Variants in FARSB observed in about 807,000 individuals in gnomAD.
FARSB encodes phenylalanyl-tRNA synthetase subunit beta, also known as phenylalanine--tRNA ligase beta subunit.
FARSB carries 40 observed loss-of-function variants against 69.6 expected under a neutral mutation model. The ratio of observed to expected loss-of-function variants is 0.57; its 90% CI spans 0.45 to 0.75. The LOEUF (loss-of-function observed/expected upper bound fraction) is 0.75. FARSB is among the 30% of genes least tolerant of loss of function. FARSB has a pLI of 0.00. For missense variants in FARSB, 632 were observed against 722.9 expected (o/e 0.87, Z 1.44); for synonymous variants, 235 against 247.2 (o/e 0.95, Z 0.46).
chr2:222,612,591 T>C (rs997821931), intron 15 of FARSB, among the ~76,000 whole-genome samples: 1 of 152,208 alleles, frequency 6.6e-6, no homozygotes, highest in Non-Finnish European at 1.5e-5. Flanking sequence ...TGTCAACTGA[T>C]TCAAAAGAAC....
At chr2:222,612,949 T>A (rs1490944478) in intron 15 of FARSB, among the ~76,000 whole-genome samples, 1 of 152,244 alleles carries the variant, frequency 6.6e-6, no homozygotes, top group Non-Finnish European at 1.5e-5. Flanking sequence ...TAAAACACAT[T>A]CGCAGTCACT....
At chr2:222,578,656 G>A (rs911073324) in intron 16 of FARSB, among the ~76,000 whole-genome samples, 1 of 152,058 alleles carries the variant, frequency 6.6e-6, no homozygotes, top group Non-Finnish European at 1.5e-5. Flanking sequence ...GGCCAACATG[G>A]TGAAACCCCA....
intron 6 of FARSB, 112 bp downstream of exon 6, chr2:222,634,279 G>T: frequency 1.5e-6 from 1 of 686,256 alleles, no homozygotes; most frequent in Non-Finnish European, 2.4e-6. Context: ...TTGGAGTCCA[G>T]ACACTGCTAT....
At chr2:222,606,010 T>C (rs998648916) in intron 15 of FARSB, among the ~76,000 whole-genome samples, 1 of 152,230 alleles carries the variant, frequency 6.6e-6, no homozygotes, top group Admixed American at 6.5e-5. Context: ...AGCATACACA[T>C]ACAATAATGA....
At chr2:222,581,799 G>T (rs1689975344) in intron 16 of FARSB, among the ~76,000 whole-genome samples, 1 of 152,178 alleles carries the variant, frequency 6.6e-6, no homozygotes, top group African/African-American at 2.4e-5. Context: ...CACAGAAAAG[G>T]AAATAAAAAT....
At chr2:222,604,401 G>A (rs1690647930) in intron 15 of FARSB, among the ~76,000 whole-genome samples, 1 of 152,170 alleles carries the variant, frequency 6.6e-6, no homozygotes. Flanking sequence ...TATATTCTGA[G>A]TTGAACTTCG....
intron 4 of FARSB, 50 bp from the exon 5 acceptor site, chr2:222,639,745 G>T: frequency 1.4e-6 from 1 of 726,930 alleles, no homozygotes; most frequent in Non-Finnish European, 2.2e-6. Context: ...GCTTTTCTTT[G>T]TAATATCTTG....
intron 14 of FARSB, among the ~76,000 whole-genome samples, chr2:222,619,003 G>A (rs1453210621): frequency 1.3e-5 from 2 of 151,812 alleles, no homozygotes; most frequent in South Asian, 4.2e-4. Flanking sequence ...TTAGCCGGGC[G>A]TAGTGGCGGG....
intron 1 of FARSB, among the ~76,000 whole-genome samples, chr2:222,651,245 T>C (rs768676842): frequency 1.3e-5 from 2 of 152,136 alleles, no homozygotes; most frequent in African/African-American, 2.4e-5. Flanking sequence ...AAAAAATCAA[T>C]GGGGTGATGT....
intron 7 of FARSB, among the ~76,000 whole-genome samples, chr2:222,632,056 CG>C (rs1559211032): frequency 2.0e-5 from 3 of 151,784 alleles, no homozygotes; most frequent in African/African-American, 7.3e-5. Flanking sequence ...TGCAATGGCA[CG>C]ACATGGTGCA....
intron 1 of FARSB, among the ~76,000 whole-genome samples, chr2:222,652,199 G>C (rs1290597210): frequency 6.6e-6 from 1 of 152,156 alleles, no homozygotes; most frequent in Admixed American, 6.5e-5. Flanking sequence ...TCCACATCTG[G>C]TCCTGATTTA....
At chr2:222,600,738 A>G (rs1690535979) in intron 15 of FARSB, among the ~76,000 whole-genome samples, 1 of 152,230 alleles carries the variant, frequency 6.6e-6, no homozygotes, top group African/African-American at 2.4e-5. Flanking sequence ...GAAGCAAGTA[A>G]GGTAATGACT....
intron 16 of FARSB, among the ~76,000 whole-genome samples, chr2:222,593,197 C>A (rs568250566): frequency 6.6e-6 from 1 of 151,726 alleles, no homozygotes; most frequent in Non-Finnish European, 1.5e-5. Flanking sequence ...GGAAAAGGGG[C>A]GGGGCAGGGG....
intron 16 of FARSB, among the ~76,000 whole-genome samples, chr2:222,591,211 T>TA (rs71281780): frequency 0.34 from 47,813 of 138,862 alleles, 7,955 homozygotes; most frequent in Non-Finnish European, 0.38. Flanking sequence ...CCCTGTCTCT[T>TA]AAAAAAAAAA....
chr2:222,643,844 C>A (rs1237475196), intron 2 of FARSB, among the ~76,000 whole-genome samples: 2 of 152,184 alleles, frequency 1.3e-5, no homozygotes, highest in Non-Finnish European at 2.9e-5. Flanking sequence ...ATATCTCAAG[C>A]ACCACACTAC....
intron 2 of FARSB, among the ~76,000 whole-genome samples, chr2:222,648,066 C>G (rs983758298): frequency 6.6e-6 from 1 of 152,134 alleles, no homozygotes; most frequent in Non-Finnish European, 1.5e-5. Flanking sequence ...CCAGAGGATG[C>G]TCAGGACCCA....
At chr2:222,611,899 C>T (rs1481495478) in intron 15 of FARSB, among the ~76,000 whole-genome samples, 1 of 152,176 alleles carries the variant, frequency 6.6e-6, no homozygotes, top group Non-Finnish European at 1.5e-5. Flanking sequence ...GTGCATGGCC[C>T]TCAGCGAGCC....
intron 16 of FARSB, among the ~76,000 whole-genome samples, chr2:222,596,943 T>A (rs1690433486): frequency 6.6e-6 from 1 of 152,196 alleles, no homozygotes; most frequent in Admixed American, 6.5e-5. Context: ...AGGATAATCA[T>A]ACTTGCCATT....
chr2:222,579,649 A>G lies in FARSB; in HGVS notation c.1619-7627T>C, dbSNP rs138120070. Among the ~76,000 whole-genome samples the G allele has an allele frequency of 1.5e-3, 231 of 152,342 alleles. 1 individual carries two copies. Among genetic ancestry groups the G allele is most frequent in the Admixed American group, 0.013 (200 of 15,300 alleles). ...TAAACTCCTGCAAACTCTTAAAACT[A>G]GAAATGACCTTGGAAGCAATCCTGT... On this transcript the variant is annotated intron_variant, in intron 16 of 16. Transcript: ENST00000281828.
Sources: allele counts gnomAD v4.1 joint callset (sites outside exome capture counted in the v4.1 genomes callset), GRCh38; gene constraint gnomAD v4.1.1; transcripts MANE v1.5; gene names NCBI Gene and HGNC (gene_info 2026-07-23, HGNC 2026-07-21).